The following ADAMTS2 variants were observed in gnomAD, a reference collection of about 807,000 sequenced individuals.
The protein encoded by ADAMTS2 is A disintegrin and metalloproteinase with thrombospondin motifs 2.
In ADAMTS2, 50 loss-of-function variants were observed where a neutral mutation model predicts 123.0. The observed-to-expected ratio is 0.41, with a 90% confidence interval of 0.32 to 0.51. ADAMTS2 has a LOEUF of 0.51. ADAMTS2 is among the 20% of genes least tolerant of loss of function. The probability of loss-of-function intolerance (pLI) is 0.35; values close to 1 mark genes in which losing one functional copy is unlikely to be tolerated. For synonymous variants in ADAMTS2, 678 were observed against 695.4 expected (o/e 0.98, Z 0.39); for missense variants, 1,494 against 1,705.2 (o/e 0.88, Z 2.18).
At chr5:179,165,627 C>T (rs894945751) in intron 5 of ADAMTS2, among the ~76,000 whole-genome samples, 9 of 152,160 alleles carry the variant, frequency 5.9e-5, no homozygotes, top group African/African-American at 1.2e-4. Context: ...GGGGCAGCCG[C>T]GGGCACCCAG....
In ADAMTS2 at chr5:179,189,637, G is replaced by T. The variant is rs960616401; in HGVS notation, c.892-8482C>A. On this transcript the variant is annotated intron_variant, in intron 4 of 21. Coordinates refer to ENST00000251582, the MANE Select transcript of ADAMTS2 (RefSeq NM_014244.5). This position sits in a 1 kb window ranked among gnomAD's most constrained non-coding sequence, Gnocchi z 4.2. The stretch of plus-strand genomic sequence containing the variant: ...CTCCCAAAGTGCTGGGATTACAGGC[G>T]TGAGCCACCGCGCCCGGCCAGGAGC... Among the ~76,000 whole-genome samples, 7 of 150,360 alleles carry T rather than the reference G, an allele frequency of 4.7e-5. No homozygotes were observed. Among genetic ancestry groups the T allele is most frequent in the Non-Finnish European group, 8.9e-5 (6 of 67,752 alleles).
At chr5:179,301,729 G>A (rs762449908) in intron 2 of ADAMTS2, among the ~76,000 whole-genome samples, 6 of 152,270 alleles carry the variant, frequency 3.9e-5, no homozygotes, top group Admixed American at 6.5e-5. Flanking sequence ...CAGTTTTGAC[G>A]CAGAACTTGG....
At chr5:179,276,843 C>T (rs1356522629) in intron 2 of ADAMTS2, among the ~76,000 whole-genome samples, 1 of 152,172 alleles carries the variant, frequency 6.6e-6, no homozygotes, top group African/African-American at 2.4e-5. Context: ...CGGGAGCCAT[C>T]GATGCCACAG....
chr5:179,217,840 A>G (rs939743119), intron 3 of ADAMTS2, among the ~76,000 whole-genome samples: 2,381 of 98,654 alleles, frequency 0.024, 114 homozygotes, highest in African/African-American at 0.067. Context: ...GAGGGCAGAC[A>G]GGCACACTCA....
At chr5:179,247,621 A>T (rs1257083337) in intron 3 of ADAMTS2, among the ~76,000 whole-genome samples, 2 of 152,208 alleles carry the variant, frequency 1.3e-5, no homozygotes, top group Non-Finnish European at 2.9e-5. Context: ...GAGTCTTGAA[A>T]TCCACGAGAG....
chr5:179,123,305 C>G (rs998049772), intron 19 of ADAMTS2, among the ~76,000 whole-genome samples: 2 of 152,248 alleles, frequency 1.3e-5, no homozygotes, highest in Non-Finnish European at 1.5e-5. Flanking sequence ...CAGCCTTGCC[C>G]AAGGAAAATT....
At chr5:179,250,410 A>C (rs964240884) in intron 3 of ADAMTS2, among the ~76,000 whole-genome samples, 4 of 152,230 alleles carry the variant, frequency 2.6e-5, no homozygotes, top group Admixed American at 1.3e-4. Context: ...TCGTGGGTAC[A>C]GGGTTTCTTT....
At chr5:179,315,308 A>C (rs1756960529) in intron 2 of ADAMTS2, among the ~76,000 whole-genome samples, 1 of 152,218 alleles carries the variant, frequency 6.6e-6, no homozygotes, top group Non-Finnish European at 1.5e-5. Flanking sequence ...GGCTTCTGGA[A>C]AGCACTGAGG....
At chr5:179,297,896 C>A (rs568422822) in intron 2 of ADAMTS2, among the ~76,000 whole-genome samples, 1 of 152,144 alleles carries the variant, frequency 6.6e-6, no homozygotes, top group Non-Finnish European at 1.5e-5. Context: ...CTCTGCTTCC[C>A]CTCCAGCCAC....
intron 17 of ADAMTS2, among the ~76,000 whole-genome samples, chr5:179,126,662 C>CG (rs750063218): frequency 2.0e-5 from 3 of 152,248 alleles, no homozygotes; most frequent in Non-Finnish European, 4.4e-5. Flanking sequence ...GACACCCCAC[C>CG]GTGCACAGGA....
rs1027611341 is a variant in ADAMTS2, at chr5:179,188,076, G to C, written c.892-6921C>G. 6.6e-6 allele frequency among the ~76,000 whole-genome samples: 1 copy of C among 152,130 alleles called. No individual in the cohort carries two copies. On this transcript the variant is annotated intron_variant, in intron 4 of 21. Transcript: ENST00000251582. This position sits in a 1 kb window ranked among gnomAD's most constrained non-coding sequence, Gnocchi z 5.1. Reference sequence around the variant, plus strand: ...GGAACCGGTGCAGGCTCCCTACTGGGGAGGCCTACTGGCCTGCCAGCCACA... The same window carrying C: ...GGAACCGGTGCAGGCTCCCTACTGGCGAGGCCTACTGGCCTGCCAGCCACA...
chr5:179,139,509 A>C (rs1464626567), intron 11 of ADAMTS2, among the ~76,000 whole-genome samples: 1 of 151,866 alleles, frequency 6.6e-6, no homozygotes, highest in South Asian at 2.1e-4. Flanking sequence ...CCCTGCCCTC[A>C]CCTGGCTGCA....
rs535025985 is a variant in ADAMTS2 at position 179,141,486 on chromosome 5, G to A, written c.1630-1451C>T. ...GTGAACCCTCTCCCCAGTAACTGAC[G>A]AAAATTAGTTTTTAAAAAGCAGCCA... On this transcript the variant is annotated intron_variant, in intron 10 of 21. Transcript: ENST00000251582. Among the ~76,000 whole-genome samples the A allele has an allele frequency of 3.3e-5, 5 of 152,038 alleles. 1 individual carries two copies. The highest frequency in any genetic ancestry group is 4.1e-4 in the South Asian group (2 of 4,822).
intron 21 of ADAMTS2, chr5:179,120,464 A>C (rs1246928404): frequency 2.0e-5 from 3 of 152,250 alleles, no homozygotes; most frequent in Non-Finnish European, 2.9e-5. Context: ...GGAAGTTAAC[A>C]GTCGTGAGAT....
chr5:179,243,612 C>G (rs1230064047), intron 3 of ADAMTS2, among the ~76,000 whole-genome samples: 2 of 152,066 alleles, frequency 1.3e-5, no homozygotes, highest in Non-Finnish European at 2.9e-5. Context: ...CCACATGACC[C>G]AAAATGTCCA....
rs1764141277 is a variant in ADAMTS2 at position 179,185,211 on chromosome 5, T to C, written c.892-4056A>G. ...GTGGGAGGACATGGAGGAAGGATGA[T>C]GGCGGGGCATTTAAGAAGCTTACTC... On this transcript the variant is annotated intron_variant, in intron 4 of 21. Transcript: ENST00000251582. This position sits in a 1 kb window ranked among gnomAD's most constrained non-coding sequence, Gnocchi z 5.9. Among the ~76,000 whole-genome samples the C allele has an allele frequency of 6.6e-6, 1 of 152,148 alleles. No homozygotes were observed. The highest frequency in any genetic ancestry group is 2.1e-4 in the South Asian group (1 of 4,828).
Position 179,307,201 on chromosome 5 carries a change from G to A in ADAMTS2, c.535-34137C>T, listed in dbSNP as rs749915871. On this transcript the variant is annotated intron_variant, in intron 2 of 21. Coordinates refer to ENST00000251582, the MANE Select transcript of ADAMTS2 (RefSeq NM_014244.5). This position sits in a 1 kb window ranked among gnomAD's most constrained non-coding sequence, Gnocchi z 5.6. ...ACTGCAGAGCTGCCCCGGCCCACGC[G>A]CCCCTGCCCTGCTGTGCTCCGCCAT... is the stretch of plus-strand genomic sequence containing the variant. 2.2e-4 allele frequency among the ~76,000 whole-genome samples: 34 copies of A among 151,874 alleles called. No homozygotes were observed. The highest frequency in any genetic ancestry group is 5.6e-4 in the African/African-American group (23 of 41,378).
chr5:179,223,547 A>C (rs1765192437), intron 3 of ADAMTS2, among the ~76,000 whole-genome samples: 1 of 131,898 alleles, frequency 7.6e-6, no homozygotes, highest in Non-Finnish European at 1.6e-5. Context: ...CACTCACACG[A>C]ATGCACTCAC....
chr5:179,115,051 A>C lies in ADAMTS2; in HGVS notation c.3179-727T>G, dbSNP rs1325649425. ...ACCTTGCGCATCCAGCCATTTCCCA[A>C]AGAAACGTGCTGCCCTCACATAGAT... On this transcript the variant is annotated intron_variant, in intron 21 of 21. Coordinates refer to ENST00000251582, the MANE Select transcript of ADAMTS2 (RefSeq NM_014244.5). This position sits in a 1 kb window ranked among gnomAD's most constrained non-coding sequence, Gnocchi z 4.4. 6.6e-6 allele frequency among the ~76,000 whole-genome samples: 1 copy of C among 152,102 alleles called. No individual in the cohort carries two copies. Among genetic ancestry groups the C allele is most frequent in the Non-Finnish European group, 1.5e-5 (1 of 68,008 alleles).
Sources: allele counts gnomAD v4.1 joint callset (sites outside exome capture counted in the v4.1 genomes callset), GRCh38; gene constraint gnomAD v4.1.1; non-coding constraint Gnocchi (gnomAD v3.1); transcripts MANE v1.5; gene names NCBI Gene and HGNC (gene_info 2026-07-23, HGNC 2026-07-21).